GPATCH8: variants seen among roughly 807,000 people sequenced by gnomAD.
GPATCH8 encodes G-patch domain containing 8, also known as G patch domain-containing protein 8.
In GPATCH8, 18 loss-of-function variants were observed where a neutral mutation model predicts 118.3. The ratio of observed to expected loss-of-function variants is 0.15; its 90% CI spans 0.11 to 0.23. The LOEUF (loss-of-function observed/expected upper bound fraction) is 0.23, where lower values mean the gene tolerates loss of function less well. Among genes scored for constraint, GPATCH8 ranks in the 10% least tolerant of loss-of-function variants. The pLI is 1.00. For missense variants in GPATCH8, 1,631 were observed against 1,873.8 expected, an observed-to-expected ratio of 0.87 and a Z score of 2.39; for synonymous variants, 659 against 684.7, an observed-to-expected ratio of 0.96 and a Z score of 0.59.
At chr17:44,488,223 C>CTTTT (rs927607960) in intron 1 of GPATCH8, among the ~76,000 whole-genome samples, 14 of 101,362 alleles carry the variant, frequency 1.4e-4, no homozygotes, top group Non-Finnish European at 2.3e-4. Flanking sequence ...GTGCCTGACC[C>CTTTT]TTTTTTTTTT....
At chr17:44,445,696 G>A (rs2050854314) in intron 3 of GPATCH8, 1 of 152,132 alleles carries the variant, frequency 6.6e-6, no homozygotes, top group Admixed American at 6.6e-5. Context: ...AGTAGAGACG[G>A]GGTTTCACCA....
chr17:44,432,727 T>C (rs1042252254), intron 5 of GPATCH8, among the ~76,000 whole-genome samples: 3 of 152,022 alleles, frequency 2.0e-5, no homozygotes, highest in African/African-American at 4.8e-5. Context: ...AGAAAAAATA[T>C]AGGAGAATAA....
intron 6 of GPATCH8, among the ~76,000 whole-genome samples, chr17:44,414,443 G>A (rs2049600765): frequency 6.6e-6 from 1 of 151,916 alleles, no homozygotes; most frequent in South Asian, 2.1e-4. Context: ...AAACAGCAGG[G>A]ACTACAGATG....
intron 4 of GPATCH8, among the ~76,000 whole-genome samples, chr17:44,436,161 T>G (rs1035106204): frequency 2.0e-5 from 3 of 151,948 alleles, no homozygotes; most frequent in Admixed American, 2.0e-4. Flanking sequence ...ACAGCAACAT[T>G]TTAAGAGCTG....
chr17:44,495,271 T>C (rs373197972), intron 1 of GPATCH8, among the ~76,000 whole-genome samples: 4 of 152,044 alleles, frequency 2.6e-5, no homozygotes, highest in African/African-American at 7.3e-5. Context: ...GAGGTGGAGG[T>C]TGCAGTGAGC....
chr17:44,452,099 C>T (rs1189754015), intron 3 of GPATCH8, among the ~76,000 whole-genome samples: 2 of 151,572 alleles, frequency 1.3e-5, no homozygotes, highest in African/African-American at 2.4e-5. Context: ...AGTGAAACCC[C>T]GTCTCTAATA....
At chr17:44,490,324 A>T (rs1969147249) in intron 1 of GPATCH8, among the ~76,000 whole-genome samples, 2 of 152,244 alleles carry the variant, frequency 1.3e-5, no homozygotes, top group South Asian at 4.1e-4. Flanking sequence ...AAACAAAAAA[A>T]GAAAAAACAA....
intron 6 of GPATCH8, among the ~76,000 whole-genome samples, chr17:44,413,247 GAGAAAA>G (rs1254547846): frequency 6.6e-6 from 1 of 152,112 alleles, no homozygotes; most frequent in Non-Finnish European, 1.5e-5. Flanking sequence ...GAAAAACTGA[GAGAAAA>G]AGAAAAAAAT....
intron 7 of GPATCH8, among the ~76,000 whole-genome samples, chr17:44,404,434 T>C (rs1439016202): frequency 2.0e-5 from 3 of 152,202 alleles, no homozygotes; most frequent in African/African-American, 4.8e-5. Context: ...CGAGTCACTA[T>C]GCCCAGCATA....
Position 44,398,978 on chromosome 17 carries a change from G to A in GPATCH8, c.3099C>T (p.Ser1033=). The change falls in exon 8 of 8, where the codon TCC becomes TCT. Residue 1033 remains serine (S), a synonymous_variant. Transcript: ENST00000591680. ...CTGATCGGAAATAGTGGGGGGACTG[G>A]GAGCGGTAGATCTTAGAACGAATGA... ...RDFIRSKIYR[S]QSPHYFRSGR... 1 of 1,614,060 alleles carries A rather than the reference G, an allele frequency of 6.2e-7. No individual in the cohort carries two copies. Among genetic ancestry groups the A allele is most frequent in the East Asian group, 2.2e-5 (1 of 44,876 alleles).
chr17:44,442,818 C>G (rs1026085728), intron 3 of GPATCH8, among the ~76,000 whole-genome samples: 1 of 152,056 alleles, frequency 6.6e-6, no homozygotes, highest in African/African-American at 2.4e-5. Context: ...TGGCTCACGC[C>G]TGTAATCCCA....
At chr17:44,497,801 A>G (rs908987445) in intron 1 of GPATCH8, among the ~76,000 whole-genome samples, 11 of 151,600 alleles carry the variant, frequency 7.3e-5, no homozygotes, top group African/African-American at 2.7e-4. Flanking sequence ...TTAGCCAGTC[A>G]TGGTGGTACA....
chr17:44,468,996 A>C (rs928329700), intron 2 of GPATCH8, among the ~76,000 whole-genome samples: 2 of 152,206 alleles, frequency 1.3e-5, no homozygotes, highest in Admixed American at 6.5e-5. Flanking sequence ...CTTTGGTTGG[A>C]AATGAAGTTC....
chr17:44,425,826 G>C (rs1171943729), intron 5 of GPATCH8, among the ~76,000 whole-genome samples: 2 of 152,240 alleles, frequency 1.3e-5, no homozygotes, highest in Admixed American at 6.5e-5. Flanking sequence ...CCCACACCTG[G>C]CTGCAAATTT....
At chr17:44,448,541 GAA>G (rs1568004114) in intron 3 of GPATCH8, among the ~76,000 whole-genome samples, 2 of 28,400 alleles carry the variant, frequency 7.0e-5, no homozygotes, top group Non-Finnish European at 1.1e-4. Context: ...GAAGAAGGAA[GAA>G]GAAGAGGAAG....
rs1401459695 is a variant in GPATCH8, at chr17:44,474,857, T to C, written c.92A>G (p.Gln31Arg). The part of the protein sequence containing the change: ...QYEEGHLEIE[Q>R]ASLDKPIESD... ...TTCTATAGGCTTGTCAAGTGACGCT[T>C]GTTCAATTTCCAAGTGTCCTTCCTC... The change falls in exon 2 of 8, where the codon CAA becomes CGA. Residue 31 changes from glutamine to arginine, a missense_variant. By Grantham distance (43) the Gln-to-Arg change is conservative. This residue lies in a region of GPATCH8 where 81 missense variants were observed against 227.6 expected (regional missense o/e 0.36). Transcript: ENST00000591680. The C allele has an allele frequency of 6.3e-7, 1 of 1,579,468 alleles. No individual in the cohort carries two copies. Among genetic ancestry groups the C allele is most frequent in the Admixed American group, 1.7e-5 (1 of 59,918 alleles).
intron 6 of GPATCH8, among the ~76,000 whole-genome samples, chr17:44,417,071 A>G (rs1474985406): frequency 6.6e-6 from 1 of 151,688 alleles, no homozygotes; most frequent in Non-Finnish European, 1.5e-5. Context: ...TCAATATATT[A>G]CCCAGGCTTG....
At chr17:44,464,627 A>G (rs2051687980) in intron 2 of GPATCH8, 83 bp from the exon 3 acceptor site, 3 of 848,192 alleles carry the variant, frequency 3.5e-6, no homozygotes. Context: ...ACAGATGATG[A>G]GCAAGAGATA....
chr17:44,475,621 G>A (rs1172808735), intron 1 of GPATCH8, among the ~76,000 whole-genome samples: 1 of 152,104 alleles, frequency 6.6e-6, no homozygotes, highest in Non-Finnish European at 1.5e-5. Flanking sequence ...GTGAACCCGG[G>A]AGGCGGAGCT....
Sources: gnomAD v4.1 joint callset for allele counts (sites outside exome capture counted in the v4.1 genomes callset) on GRCh38, gnomAD v4.1.1 for gene constraint, gnomAD v4.1.1 regional missense constraint, MANE v1.5 for transcripts, NCBI Gene and HGNC (gene_info 2026-07-23, HGNC 2026-07-21) for gene names.